The following TMEM272 variants were observed in gnomAD, a reference collection of about 807,000 sequenced individuals.
TMEM272 encodes long intergenic non-protein coding RNA 282.
In TMEM272, 8 loss-of-function variants were observed where a neutral mutation model predicts 3.7. The ratio of observed to expected loss-of-function variants is 2.17; its 90% CI spans 1.27 to 3.91. The LOEUF (loss-of-function observed/expected upper bound fraction) is 3.91. Among genes scored for constraint, TMEM272 ranks in the 30% most tolerant of loss-of-function variants. The pLI is 0.00. For synonymous variants in TMEM272, 63 were observed against 39.8 expected (o/e 1.58, Z -2.20); for missense variants, 166 against 91.5 (o/e 1.81, Z -3.32).
At chr13:51,833,607 C>T (rs1375976977) in intron 2 of TMEM272, among the ~76,000 whole-genome samples, 4 of 151,900 alleles carry the variant, frequency 2.6e-5, no homozygotes, top group East Asian at 3.9e-4. Flanking sequence ...GAGGCACTGA[C>T]GGAAATGTGA....
chr13:51,860,889 A>G, the TMEM272 span, among the ~76,000 whole-genome samples: 1 of 151,764 alleles, frequency 6.6e-6, no homozygotes, highest in East Asian at 1.9e-4. Flanking sequence ...ATATATAACC[A>G]AACAAATTCT....
chr13:51,836,403 G>C (rs547700919), intron 2 of TMEM272, among the ~76,000 whole-genome samples: 5 of 152,208 alleles, frequency 3.3e-5, no homozygotes, highest in Non-Finnish European at 7.4e-5. Context: ...CTCAAATCTA[G>C]AACATTCTCA....
the TMEM272 span, among the ~76,000 whole-genome samples, chr13:51,886,378 C>T: frequency 6.6e-6 from 1 of 152,216 alleles, no homozygotes; most frequent in Non-Finnish European, 1.5e-5. Flanking sequence ...AAATGCCACA[C>T]ATATAGTAAC....
the TMEM272 span, among the ~76,000 whole-genome samples, chr13:51,924,986 T>C: frequency 1.3e-5 from 2 of 152,124 alleles, no homozygotes; most frequent in African/African-American, 4.8e-5. Context: ...ACCTTTGACA[T>C]AACAAGATCT....
chr13:51,884,707 G>A, the TMEM272 span, among the ~76,000 whole-genome samples: 1 of 152,166 alleles, frequency 6.6e-6, no homozygotes, highest in South Asian at 2.1e-4. Flanking sequence ...CTAGCTGTGA[G>A]AGCTTGAAAA....
intron 1 of TMEM272, 133 bp from the exon 2 acceptor site, chr13:51,838,686 T>C: frequency 1.5e-6 from 1 of 672,612 alleles, no homozygotes; most frequent in Non-Finnish European, 2.7e-6. Context: ...TGGGTGCCAG[T>C]GTCAGGTGTG....
the TMEM272 span, chr13:51,930,415 A>T: frequency 5.3e-5 from 8 of 152,172 alleles, no homozygotes; most frequent in East Asian, 1.3e-3. Flanking sequence ...AGCAAAGTAG[A>T]CATCTCCCTC....
the TMEM272 span, among the ~76,000 whole-genome samples, chr13:51,879,100 C>T: frequency 3.3e-5 from 5 of 152,258 alleles, no homozygotes; most frequent in Admixed American, 2.6e-4. Flanking sequence ...TCAATGGGAA[C>T]GTAAGCAGAA....
At chr13:51,926,013 A>G in the TMEM272 span, among the ~76,000 whole-genome samples, 6 of 151,964 alleles carry the variant, frequency 3.9e-5, no homozygotes, top group South Asian at 1.0e-3. Flanking sequence ...TGTGTGGCAT[A>G]TATGTATGTG....
At chr13:51,908,795 T>A in the TMEM272 span, 1 of 1,440,978 alleles carries the variant, frequency 6.9e-7, no homozygotes, top group South Asian at 1.1e-5. Context: ...CAGGATATGA[T>A]TGTCCTGGTG....
chr13:51,843,097 A>C (rs944837571), intron 1 of TMEM272, among the ~76,000 whole-genome samples: 7 of 152,244 alleles, frequency 4.6e-5, no homozygotes, highest in African/African-American at 1.7e-4. Context: ...TTACTCTCAT[A>C]GGCAAAAGTG....
chr13:51,929,032 A>G, the TMEM272 span, among the ~76,000 whole-genome samples: 1 of 152,176 alleles, frequency 6.6e-6, no homozygotes, highest in Non-Finnish European at 1.5e-5. Flanking sequence ...CCCCGTCTCT[A>G]TTAAAAATAC....
chr13:51,891,722 T>C, the TMEM272 span, among the ~76,000 whole-genome samples: 4 of 151,972 alleles, frequency 2.6e-5, no homozygotes, highest in African/African-American at 9.7e-5. Context: ...TCTAGGGAAA[T>C]GGAAGGAAAA....
At chr13:51,865,072 G>A in the TMEM272 span, among the ~76,000 whole-genome samples, 1 of 152,170 alleles carries the variant, frequency 6.6e-6, no homozygotes, top group East Asian at 1.9e-4. Flanking sequence ...TATGTGTTCT[G>A]ATACCCTAGT....
chr13:51,879,573 A>T, the TMEM272 span, among the ~76,000 whole-genome samples: 1 of 152,178 alleles, frequency 6.6e-6, no homozygotes, highest in African/African-American at 2.4e-5. Flanking sequence ...AAGATTTGGA[A>T]TAGGGGTTGA....
the TMEM272 span, chr13:51,865,474 C>T: frequency 3.1e-6 from 5 of 1,614,096 alleles, no homozygotes; most frequent in Non-Finnish European, 4.2e-6. Flanking sequence ...TGGCGGCATC[C>T]TCTCCCAGTA....
At chr13:51,858,249 A>G in the TMEM272 span, among the ~76,000 whole-genome samples, 18 of 152,186 alleles carry the variant, frequency 1.2e-4, no homozygotes, top group Admixed American at 6.5e-5. Flanking sequence ...ATTCAGACAT[A>G]GAGAGAGAGA....
chr13:51,925,769 T>C, the TMEM272 span, among the ~76,000 whole-genome samples: 2 of 152,248 alleles, frequency 1.3e-5, no homozygotes, highest in South Asian at 4.1e-4. Flanking sequence ...TATTCTTCCA[T>C]GAAATCACAC....
chr13:51,930,562 A>G, the TMEM272 span: 1 of 152,236 alleles, frequency 6.6e-6, no homozygotes, highest in Non-Finnish European at 1.5e-5. Flanking sequence ...ACATCAAGGT[A>G]ATCTGCAAAG....
Sources: gnomAD v4.1 joint callset for allele counts (sites outside exome capture counted in the v4.1 genomes callset) on GRCh38, gnomAD v4.1.1 for gene constraint, MANE v1.5 for transcripts, NCBI Gene and HGNC (gene_info 2026-07-23, HGNC 2026-07-21) for gene names.